The following FBXW8 variants were observed in gnomAD, a reference collection of about 807,000 sequenced individuals.
The protein encoded by FBXW8 is F-box/WD repeat-containing protein 8.
A neutral mutation model predicts 65.3 loss-of-function variants in FBXW8; 57 were observed. The observed-to-expected ratio is 0.87, with a 90% confidence interval of 0.71 to 1.09. FBXW8 has a LOEUF of 1.09. Among genes scored for constraint, FBXW8 ranks in the 50% least tolerant of loss-of-function variants. The probability of loss-of-function intolerance (pLI) is 0.00; values close to 1 mark genes in which losing one functional copy is unlikely to be tolerated. For synonymous variants in FBXW8, 308 were observed against 330.2 expected, an observed-to-expected ratio of 0.93 and a Z score of 0.73; for missense variants, 777 against 814.8, an observed-to-expected ratio of 0.95 and a Z score of 0.57.
Position 116,911,338 on chromosome 12 carries a change from C to A in FBXW8, c.301C>A (p.Gln101Lys). The change falls in exon 1 of 11, where the codon CAG becomes AAG. Residue 101 changes from glutamine (Q) to lysine (K), a missense_variant. Gln to Lys is a moderately conservative substitution (Grantham distance 53). Coordinates refer to ENST00000652555, the MANE Select transcript of FBXW8 (RefSeq NM_153348.3). The stretch of plus-strand genomic sequence containing the variant: ...CGGGGGCGGGGAGCAGCTGGTGGAC[C>A]AGCTCATCCGCGACCTGGTGAGTGG... ...GAGGGEQLVD[Q>K]LIRDLNEMND... 7.8e-7 allele frequency: 1 copy of A among 1,283,236 alleles called. No individual in the cohort carries two copies. The highest frequency in any genetic ancestry group is 2.7e-5 in the South Asian group (1 of 36,972). 79.5% of individuals were successfully genotyped at this position (1,283,236 alleles called of 1,614,324 possible).
chr12:116,952,771 T>G (rs1303618537), intron 4 of FBXW8, among the ~76,000 whole-genome samples: 1 of 152,238 alleles, frequency 6.6e-6, no homozygotes, highest in Non-Finnish European at 1.5e-5. Flanking sequence ...ACAGTCTCAC[T>G]CTGTCGCCCA....
intron 7 of FBXW8, among the ~76,000 whole-genome samples, chr12:117,009,199 G>A (rs554573728): frequency 2.6e-5 from 4 of 152,216 alleles, no homozygotes; most frequent in East Asian, 1.9e-4. Context: ...TAGTGAGACC[G>A]CTTCTCTACT....
chr12:116,927,424 CAG>C (rs1881417599), intron 1 of FBXW8, among the ~76,000 whole-genome samples: 1 of 152,182 alleles, frequency 6.6e-6, no homozygotes, highest in Non-Finnish European at 1.5e-5. Context: ...TGCACTTCTC[CAG>C]TGGCCAAGGA....
rs1881482089 is a variant in FBXW8, at chr12:116,928,178, G to A, written c.423+51G>A. The A allele has an allele frequency of 3.7e-6, 4 of 1,086,586 alleles. No homozygotes were observed. The African/African-American group carries it at 4.7e-5, about 13-fold the overall frequency. The allele number at this position is 1,086,586 out of a possible 1,614,324, so 67.3% of individuals were successfully genotyped here. On this transcript the variant is annotated intron_variant, in intron 2 of 10. Coordinates refer to ENST00000652555, the MANE Select transcript of FBXW8 (RefSeq NM_153348.3). ...AGATTTTCCTAAATGTGTGATTAAGGTATAGGACTCTCCGGGGTAATAGAA... is the reference window on the plus strand; with the variant it reads ...AGATTTTCCTAAATGTGTGATTAAGATATAGGACTCTCCGGGGTAATAGAA...
At chr12:116,933,088 T>TA (rs1881899935) in intron 2 of FBXW8, among the ~76,000 whole-genome samples, 1 of 152,200 alleles carries the variant, frequency 6.6e-6, no homozygotes. Context: ...TGAGTACCTA[T>TA]ATTGTTTTCT....
intron 5 of FBXW8, among the ~76,000 whole-genome samples, chr12:116,984,459 C>T (rs777638485): frequency 3.3e-5 from 5 of 152,134 alleles, no homozygotes; most frequent in Non-Finnish European, 7.4e-5. Context: ...GATATTGAAG[C>T]ACAGGTTTTA....
At position 117,028,462 on chromosome 12, in the gene FBXW8, G is replaced by A. The variant is rs1044370579; in HGVS notation, c.*290G>A. 6.6e-6 allele frequency: 3 copies of A among 457,604 alleles called. No homozygotes were observed. The highest frequency in any genetic ancestry group is 6.2e-4 in the Middle Eastern group (1 of 1,602). 28.3% of individuals were successfully genotyped at this position (457,604 alleles called of 1,614,324 possible). On this transcript the variant is annotated 3_prime_UTR_variant, in exon 11 of 11. Coordinates refer to ENST00000652555, the MANE Select transcript of FBXW8 (RefSeq NM_153348.3). The surrounding 1 kb of genome is among the most constrained non-coding windows in gnomAD (Gnocchi z 4.1). ...TCCCTCAGGACGCCTCAGGGATCTC[G>A]CTGCGCGGTCCTATACGGTCCCTGC... is the stretch of plus-strand genomic sequence containing the variant.
At chr12:116,999,738 A>G (rs182024260) in intron 7 of FBXW8, among the ~76,000 whole-genome samples, 35 of 152,212 alleles carry the variant, frequency 2.3e-4, no homozygotes, top group African/African-American at 8.4e-4. Flanking sequence ...CTTAGCTCCT[A>G]GCTCTCTAGT....
chr12:116,990,695 A>G (rs1354889504), intron 7 of FBXW8, among the ~76,000 whole-genome samples: 1 of 152,234 alleles, frequency 6.6e-6, no homozygotes, highest in Non-Finnish European at 1.5e-5. Flanking sequence ...CATTTGAGAA[A>G]CTACTTAAAG....
At chr12:116,975,420 C>A (rs1427429823) in intron 5 of FBXW8, among the ~76,000 whole-genome samples, 1 of 152,214 alleles carries the variant, frequency 6.6e-6, no homozygotes, top group African/African-American at 2.4e-5. Context: ...GGCAAAGGAG[C>A]TCTCAGGCAC....
At chr12:116,952,139 G>A (rs891938293) in intron 4 of FBXW8, among the ~76,000 whole-genome samples, 6 of 151,928 alleles carry the variant, frequency 3.9e-5, no homozygotes, top group African/African-American at 1.5e-4. Flanking sequence ...CATTTTTTTA[G>A]TTAAGATACA....
chr12:117,004,668 C>T (rs1331252303), intron 7 of FBXW8, among the ~76,000 whole-genome samples: 2 of 152,176 alleles, frequency 1.3e-5, no homozygotes, highest in African/African-American at 4.8e-5. Context: ...GCTCTCTGCA[C>T]CAATAGATAC....
At chr12:117,010,125 G>A (rs1953768068) in intron 7 of FBXW8, among the ~76,000 whole-genome samples, 198 bp from the exon 8 acceptor site, 1 of 152,120 alleles carries the variant, frequency 6.6e-6, no homozygotes, top group African/African-American at 2.4e-5. Context: ...CTCTTCCTTT[G>A]CATTTCTTTT....
rs905994793 is a variant in FBXW8 at position 116,983,790 on chromosome 12, A to G, written c.836-1416A>G. The stretch of plus-strand genomic sequence containing the variant: ...TTTTATAACACAGCAGGAACTATAG[A>G]CTGCATAAAAATAAAAGACAGAAAG... On this transcript the variant is annotated intron_variant, in intron 5 of 10. Coordinates refer to ENST00000652555, the MANE Select transcript of FBXW8 (RefSeq NM_153348.3). 7.8e-4 allele frequency among the ~76,000 whole-genome samples: 118 copies of G among 152,240 alleles called. 1 individual carries two copies. The highest frequency in any genetic ancestry group is 7.7e-3 in the Admixed American group (117 of 15,288).
At chr12:116,974,802 T>TG (rs761994672) in intron 5 of FBXW8, among the ~76,000 whole-genome samples, 11 of 152,196 alleles carry the variant, frequency 7.2e-5, no homozygotes, top group Non-Finnish European at 1.6e-4. Context: ...GCCCAGATTT[T>TG]GGTTTCTAAA....
intron 7 of FBXW8, among the ~76,000 whole-genome samples, chr12:117,006,462 T>G (rs1173938532): frequency 1.3e-5 from 2 of 152,254 alleles, no homozygotes; most frequent in Non-Finnish European, 2.9e-5. Context: ...CTTCACAGTT[T>G]GCCTGGAAAG....
intron 8 of FBXW8, among the ~76,000 whole-genome samples, chr12:117,022,365 A>C (rs1954119435): frequency 6.6e-6 from 1 of 152,136 alleles, no homozygotes; most frequent in Non-Finnish European, 1.5e-5. Context: ...TAAAAAAAAA[A>C]AAAAACAGGC....
rs202153491 is a variant in FBXW8, at chr12:116,955,038, G to GA, written c.677+5332_677+5333insA. Among the ~76,000 whole-genome samples, 138 of 139,810 alleles carry GA rather than the reference G, an allele frequency of 9.9e-4. 1 individual carries two copies. Among genetic ancestry groups the GA allele is most frequent in the Middle Eastern group, 3.8e-3 (1 of 266 alleles). 91.7% of individuals were successfully genotyped at this position (139,810 alleles called of 152,430 possible). On this transcript the variant is annotated intron_variant, in intron 4 of 10. Coordinates refer to ENST00000652555, the MANE Select transcript of FBXW8 (RefSeq NM_153348.3). ...CTGTTGACTTTCCCCTCTTGAAATGGGGGGGGGGGGCCCTGTATTAAGCAT... is the reference window on the plus strand; with the variant it reads ...CTGTTGACTTTCCCCTCTTGAAATGGAGGGGGGGGGGCCCTGTATTAAGCAT...
chr12:117,030,833 C>CACTG lies in FBXW8; in HGVS notation c.*2664_*2667dup, dbSNP rs1386289624. 6.6e-6 allele frequency: 1 copy of CACTG among 152,226 alleles called. No individual in the cohort carries two copies. Among genetic ancestry groups the CACTG allele is most frequent in the Non-Finnish European group, 1.5e-5 (1 of 68,054 alleles). 9.4% of individuals were successfully genotyped at this position (152,226 alleles called of 1,614,324 possible). A position where few individuals can be genotyped will look rare whatever the true frequency, so the allele number is the denominator to read the frequency against. ...AACCTCCACATCCTGGAATCAATCACACTGACAGGGAAAGGATAAATGCTC... is the reference window on the plus strand; with the variant it reads ...AACCTCCACATCCTGGAATCAATCACACTGACTGACAGGGAAAGGATAAATGCTC... On this transcript the variant is annotated 3_prime_UTR_variant, in exon 11 of 11. Coordinates refer to ENST00000652555, the MANE Select transcript of FBXW8 (RefSeq NM_153348.3).
Sources: gnomAD v4.1 joint callset for allele counts (sites outside exome capture counted in the v4.1 genomes callset) on GRCh38, gnomAD v4.1.1 for gene constraint, Gnocchi (gnomAD v3.1) non-coding constraint, MANE v1.5 for transcripts, NCBI Gene and HGNC (gene_info 2026-07-23, HGNC 2026-07-21) for gene names.